The following SPINK5 variants were observed in gnomAD, a reference collection of about 807,000 sequenced individuals.
The protein encoded by SPINK5 is serine protease inhibitor Kazal-type 5.
A neutral mutation model predicts 151.8 loss-of-function variants in SPINK5; 125 were observed. The observed-to-expected ratio is 0.82, with a 90% CI of 0.71 to 0.96. The LOEUF is 0.96. SPINK5 is among the 40% of genes least tolerant of loss of function. SPINK5 has a pLI of 0.00. For synonymous variants in SPINK5, 374 were observed against 395.3 expected (o/e 0.95, Z 0.64); for missense variants, 1,194 against 1,291.9 (o/e 0.92, Z 1.16).
At chr5:148,115,661 TG>T (rs1754066607) in intron 21 of SPINK5, among the ~76,000 whole-genome samples, 1 of 152,074 alleles carries the variant, frequency 6.6e-6, no homozygotes, top group East Asian at 1.9e-4. Context: ...TCCACTGTTT[TG>T]TGTTTGTTTT....
intron 2 of SPINK5, among the ~76,000 whole-genome samples, chr5:148,068,552 T>A (rs1351364224): frequency 1.8e-5 from 1 of 56,538 alleles, no homozygotes; most frequent in Non-Finnish European, 3.0e-5. Flanking sequence ...ACCCTGCCTC[T>A]CCAAAAAAAA....
intron 14 of SPINK5, among the ~76,000 whole-genome samples, 166 bp from the exon 15 acceptor site, chr5:148,101,615 G>A (rs1273844200): frequency 6.6e-6 from 1 of 152,034 alleles, no homozygotes; most frequent in African/African-American, 2.4e-5. Context: ...TGGTTGTTGG[G>A]TTCATTGTTT....
chr5:148,103,665 T>C (rs145741231), intron 15 of SPINK5, among the ~76,000 whole-genome samples: 6 of 152,348 alleles, frequency 3.9e-5, no homozygotes, highest in African/African-American at 9.6e-5. Context: ...AAATTCTTTA[T>C]TGAAAAGAAA....
chr5:148,131,454 A>T (rs1159712631), intron 31 of SPINK5, 65 bp downstream of exon 31: 33 of 1,602,010 alleles, frequency 2.1e-5, no homozygotes, highest in Non-Finnish European at 2.7e-5. Context: ...GTGTTAACCC[A>T]TAGTAATGCA....
At chr5:148,134,560 T>C (rs1256670607) in intron 32 of SPINK5, among the ~76,000 whole-genome samples, 1 of 152,184 alleles carries the variant, frequency 6.6e-6, no homozygotes, top group Non-Finnish European at 1.5e-5. Flanking sequence ...AATATCCCAA[T>C]GACCTATGAA....
intron 7 of SPINK5, among the ~76,000 whole-genome samples, chr5:148,089,985 A>G (rs1452394568): frequency 2.0e-5 from 3 of 151,830 alleles, no homozygotes; most frequent in Middle Eastern, 3.2e-3. Context: ...TCATTTGGGC[A>G]TATGTAGAGA....
Position 148,124,753 on chromosome 5 carries a change from A to G in SPINK5, c.2667-12A>G. The G allele has an allele frequency of 3.2e-6, 4 of 1,263,132 alleles. No homozygotes were observed. Among genetic ancestry groups the G allele is most frequent in the Non-Finnish European group, 4.2e-6 (4 of 949,990 alleles). 78.2% of individuals were successfully genotyped at this position (1,263,132 alleles called of 1,614,324 possible). A position where few individuals can be genotyped will look rare whatever the true frequency, so the allele number is the denominator to read the frequency against. Reference sequence around the variant, plus strand: ...AAAAATTACCCTATCTTTTTTTTTAATTATTCTGCAGTGATCGAGAAGCTA... The same window carrying G: ...AAAAATTACCCTATCTTTTTTTTTAGTTATTCTGCAGTGATCGAGAAGCTA... On this transcript the variant is annotated splice_polypyrimidine_tract_variant and intron_variant, in intron 27 of 32. Transcript: ENST00000256084.
At chr5:148,106,514 TTTC>T (rs1357336000) in intron 16 of SPINK5, among the ~76,000 whole-genome samples, 1 of 151,902 alleles carries the variant, frequency 6.6e-6, no homozygotes, top group Non-Finnish European at 1.5e-5. Flanking sequence ...ATTTTGAATT[TTTC>T]TGTAGACACA....
At chr5:148,066,625 T>C (rs925239710) in intron 2 of SPINK5, among the ~76,000 whole-genome samples, 1 of 152,076 alleles carries the variant, frequency 6.6e-6, no homozygotes, top group African/African-American at 2.4e-5. Flanking sequence ...GAAAGTTCAG[T>C]AGAGTAGAAA....
In SPINK5 at chr5:148,133,823, G is replaced by T. The variant is rs1412152696; in HGVS notation, c.3122G>T (p.Arg1041Leu). ...NLIRQTNTHIRSTGKCEESST... is the reference protein window; with the variant it reads ...NLIRQTNTHILSTGKCEESST... ...ATACGCCAAACAAATACACACATCC[G>T]CAGTACAGGGAAGTGTGAGGAGAGC... is the stretch of plus-strand genomic sequence containing the variant. The change falls in exon 32 of 33, where the codon CGC (arginine) becomes CTC (leucine). Residue 1041 changes from arginine to leucine, a missense_variant. Arg to Leu is a moderately radical substitution (Grantham distance 102). Coordinates refer to ENST00000256084, the MANE Select transcript of SPINK5 (RefSeq NM_006846.4). 1 of 1,613,924 alleles carries T rather than the reference G, an allele frequency of 6.2e-7. No individual in the cohort carries two copies. The highest frequency in any genetic ancestry group is 8.5e-7 in the Non-Finnish European group (1 of 1,179,918).
chr5:148,123,926 C>T lies in SPINK5; in HGVS notation c.2632C>T (p.His878Tyr), dbSNP rs748500823. 6.2e-7 allele frequency: 1 copy of T among 1,613,950 alleles called. No individual in the cohort carries two copies. Among genetic ancestry groups the T allele is most frequent in the Admixed American group, 1.7e-5 (1 of 60,024 alleles). Residue 878 changes from histidine to tyrosine, a missense_variant, in exon 27 of 33, where the codon CAC (histidine) becomes TAC (tyrosine). Coordinates refer to ENST00000256084, the MANE Select transcript of SPINK5 (RefSeq NM_006846.4). ...NPVRGPYGKM[H>Y]INKCAMCQSI... ...TGTTCGAGGCCCATATGGCAAGATG[C>T]ACATCAATAAATGTGCTATGTGTCA...
chr5:148,099,546 C>A (rs568013515), intron 12 of SPINK5, among the ~76,000 whole-genome samples: 1 of 151,710 alleles, frequency 6.6e-6, no homozygotes, highest in East Asian at 1.9e-4. Context: ...AAACTGAGTT[C>A]TACTTCTAGT....
intron 4 of SPINK5, among the ~76,000 whole-genome samples, chr5:148,084,025 T>C (rs1160420976): frequency 1.3e-5 from 2 of 151,926 alleles, no homozygotes; most frequent in Non-Finnish European, 2.9e-5. Flanking sequence ...TTTCTTGTTA[T>C]TGTTTTACAT....
chr5:148,118,937 A>C lies in SPINK5; in HGVS notation c.2241-49A>C, dbSNP rs780503509. ...ACGGGACACACTTAGTGCATAATCC[A>C]GGGTCAATATTTGTTAACAAGATGA... On this transcript the variant is annotated intron_variant, in intron 23 of 32. Transcript: ENST00000256084. 7 of 1,583,466 alleles carry C rather than the reference A, an allele frequency of 4.4e-6. No homozygotes were observed. In the South Asian group the frequency reaches 7.8e-5, roughly 18 times the overall value.
intron 14 of SPINK5, 147 bp from the exon 15 acceptor site, chr5:148,101,634 T>TAAA (rs1753646996): frequency 2.3e-6 from 3 of 1,308,982 alleles, no homozygotes; most frequent in Non-Finnish European, 2.2e-6. Flanking sequence ...TTTTATCACT[T>TAAA]AAAAAATCCA....
Position 148,133,904 on chromosome 5 carries a change from A to G in SPINK5, c.3186+17A>G. 1.2e-6 allele frequency: 2 copies of G among 1,613,212 alleles called. No individual in the cohort carries two copies. Among genetic ancestry groups the G allele is most frequent in the Non-Finnish European group, 1.7e-6 (2 of 1,179,364 alleles). On this transcript the variant is annotated intron_variant, in intron 32 of 32. Transcript: ENST00000256084. ...CCCCCGTCTGTAAGTACATAAGTAGACTGGCCTCCATGGTTACGTTGTGAG... is the reference window on the plus strand; with the variant it reads ...CCCCCGTCTGTAAGTACATAAGTAGGCTGGCCTCCATGGTTACGTTGTGAG...
chr5:148,114,624 A>C (rs1754038067), intron 21 of SPINK5, 135 bp downstream of exon 21: 1 of 1,311,658 alleles, frequency 7.6e-7, no homozygotes, highest in Non-Finnish European at 1.1e-6. Flanking sequence ...AGCATTTGAA[A>C]TAAATCTTTT....
chr5:148,104,283 G>A (rs1430160120), intron 15 of SPINK5, among the ~76,000 whole-genome samples: 1 of 152,128 alleles, frequency 6.6e-6, no homozygotes, highest in Non-Finnish European at 1.5e-5. Context: ...TGGCTCCAGA[G>A]TCTTTCCTCT....
At chr5:148,097,838 A>G in intron 10 of SPINK5, 29 bp from the exon 11 acceptor site, 1 of 1,584,096 alleles carries the variant, frequency 6.3e-7, no homozygotes, top group Non-Finnish European at 8.7e-7. Flanking sequence ...ACAGAACTAT[A>G]TCTCAACTTT....
Sources: allele counts gnomAD v4.1 joint callset (sites outside exome capture counted in the v4.1 genomes callset), GRCh38; gene constraint gnomAD v4.1.1; transcripts MANE v1.5; gene names NCBI Gene and HGNC (gene_info 2026-07-23, HGNC 2026-07-21).